Variants in PPP1R8 observed in about 807,000 individuals in gnomAD.
PPP1R8 encodes protein phosphatase 1 regulatory subunit 8, also known as nuclear inhibitor of protein phosphatase 1.
A neutral mutation model predicts 31.3 loss-of-function variants in PPP1R8; 4 were observed. The observed-to-expected ratio is 0.13, with a 90% CI of 0.06 to 0.29. The LOEUF is 0.29. PPP1R8 is among the 10% of genes least tolerant of loss of function. The pLI is 1.00. For missense variants in PPP1R8, 254 were observed against 440.1 expected (o/e 0.58, Z 3.78); for synonymous variants, 170 against 169.7 (o/e 1.00, Z -0.01).
chr1:27,830,923 C>T (rs2089095127), intron 1 of PPP1R8, 32 bp downstream of exon 1: 1 of 1,540,588 alleles, frequency 6.5e-7, no homozygotes, highest in South Asian at 1.2e-5. Flanking sequence ...GCTAGAGTGG[C>T]CCGGCCGGAG....
chr1:27,850,461 G>T lies in PPP1R8; in HGVS notation c.*15G>T. 3 of 536,344 alleles carry T rather than the reference G, an allele frequency of 5.6e-6. No individual in the cohort carries two copies. The highest frequency in any genetic ancestry group is 3.1e-5 in the South Asian group (2 of 65,396). The allele number at this position is 536,344 out of a possible 1,614,324, so 33.2% of individuals were successfully genotyped here. On this transcript the variant is annotated 3_prime_UTR_variant, in exon 7 of 7. Coordinates refer to ENST00000311772, the MANE Select transcript of PPP1R8 (RefSeq NM_014110.5). ...TGCTGATTTGATATTTTTGGTCATG[G>T]AGAAGGGTGGGATTGGGTGGGAATG...
At chr1:27,834,426 C>T (rs2089141909) in intron 2 of PPP1R8, 1 of 518,956 alleles carries the variant, frequency 1.9e-6, no homozygotes, top group South Asian at 1.4e-5. Flanking sequence ...ACCGAGCTGT[C>T]TATATCCTAG....
At chr1:27,844,384 A>G (rs1189412089) in intron 5 of PPP1R8, among the ~76,000 whole-genome samples, 1 of 148,424 alleles carries the variant, frequency 6.7e-6, no homozygotes, top group African/African-American at 2.5e-5. Flanking sequence ...GCTGGAGTGC[A>G]GTGACGCAAT....
intron 1 of PPP1R8, 99 bp downstream of exon 1, chr1:27,830,990 C>T: frequency 6.9e-7 from 1 of 1,444,056 alleles, no homozygotes; most frequent in Non-Finnish European, 9.1e-7. Context: ...AGCCGAACGG[C>T]TCAGAAACCC....
rs373033202 is a variant in PPP1R8, at chr1:27,843,367, TG to T, written c.637+38del. ...TGCTAGTTTATTCTGATGAAAAAGC[TG>T]TGGTTGGCCCGGGCGCGGTGGCTCA... On this transcript the variant is annotated intron_variant, in intron 5 of 6. Coordinates refer to ENST00000311772, the MANE Select transcript of PPP1R8 (RefSeq NM_014110.5). 5.4e-5 allele frequency: 87 copies of T among 1,613,638 alleles called. 1 individual carries two copies. The Middle Eastern group carries it at 1.5e-3, about 28-fold the overall frequency.
chr1:27,845,008 C>T lies in PPP1R8; in HGVS notation c.637+1678C>T, dbSNP rs148072742. On this transcript the variant is annotated intron_variant, in intron 5 of 6. Coordinates refer to ENST00000311772, the MANE Select transcript of PPP1R8 (RefSeq NM_014110.5). Reference sequence around the variant, plus strand: ...TCGGCCTCCTAAAGTGCTGGGATTACAGGCGTGAGCCACCATGCCCGGCCT... The same window carrying T: ...TCGGCCTCCTAAAGTGCTGGGATTATAGGCGTGAGCCACCATGCCCGGCCT... Among the ~76,000 whole-genome samples the T allele has an allele frequency of 4.6e-3, 643 of 140,402 alleles. 11 individuals are homozygous for T. The East Asian group carries it at 0.081, about 18-fold the overall frequency. 92.1% of individuals were successfully genotyped at this position (140,402 alleles called of 152,430 possible). A position where few individuals can be genotyped will look rare whatever the true frequency, so the allele number is the denominator to read the frequency against.
chr1:27,849,715 C>A (rs1224585150), intron 6 of PPP1R8, among the ~76,000 whole-genome samples: 3 of 152,106 alleles, frequency 2.0e-5, no homozygotes, highest in Non-Finnish European at 2.9e-5. Flanking sequence ...TCTCAAACTC[C>A]TGATCTCATG....
chr1:27,845,783 C>G (rs370850389), intron 5 of PPP1R8, among the ~76,000 whole-genome samples: 1 of 91,834 alleles, frequency 1.1e-5, no homozygotes, highest in South Asian at 3.9e-4. Flanking sequence ...TTCTTTCTTT[C>G]TTTTTTTTTT....
At chr1:27,835,028 T>A (rs995037865) in intron 2 of PPP1R8, among the ~76,000 whole-genome samples, 2 of 152,032 alleles carry the variant, frequency 1.3e-5, no homozygotes, top group African/African-American at 2.4e-5. Flanking sequence ...AAAAAAAAAA[T>A]TCATTCATTT....
At chr1:27,848,181 T>A (rs1054763338) in intron 6 of PPP1R8, among the ~76,000 whole-genome samples, 2 of 152,018 alleles carry the variant, frequency 1.3e-5, no homozygotes, top group African/African-American at 4.8e-5. Flanking sequence ...GGTGGGCAGA[T>A]TACAAGGTCA....
At chr1:27,844,565 G>A (rs968564848) in intron 5 of PPP1R8, among the ~76,000 whole-genome samples, 6 of 151,650 alleles carry the variant, frequency 4.0e-5, no homozygotes, top group Non-Finnish European at 8.8e-5. Context: ...CCTGACCTCA[G>A]GTGATCTGCC....
At position 27,850,428 on chromosome 1, in the gene PPP1R8, A is replaced by G; in HGVS notation, c.1038A>G (p.Thr346=). 7.5e-7 allele frequency: 1 copy of G among 1,327,018 alleles called. No individual in the cohort carries two copies. Among genetic ancestry groups the G allele is most frequent in the East Asian group, 4.9e-5 (1 of 20,508 alleles). The allele number at this position is 1,327,018 out of a possible 1,614,324, so 82.2% of individuals were successfully genotyped here. ...AGGCTTGGCCAGGCAAGAAGCCCAC[A>G]CCTTCCTTGCTGATTTGATATTTTT... ...AKEAWPGKKP[T]PSLLI Residue 346 remains threonine, a synonymous_variant, in exon 7 of 7, where the codon ACA becomes ACG. Coordinates refer to ENST00000311772, the MANE Select transcript of PPP1R8 (RefSeq NM_014110.5).
chr1:27,834,467 A>G (rs2089142392), intron 2 of PPP1R8: 3 of 519,028 alleles, frequency 5.8e-6, no homozygotes, highest in Non-Finnish European at 1.2e-5. Flanking sequence ...ATGTGTTGTG[A>G]TAGCTGGGTT....
In PPP1R8 at chr1:27,846,236, T is replaced by A. The variant is rs539843027; in HGVS notation, c.638-792T>A. Among the ~76,000 whole-genome samples, 4 of 152,384 alleles carry A rather than the reference T, an allele frequency of 2.6e-5. No homozygotes were observed. In the South Asian group the frequency reaches 6.2e-4, roughly 24 times the overall value. ...GTAGTGGTACATAAGTTGGTGCCTC[T>A]GCATGTTTCCACTCACATTCAACCT... On this transcript the variant is annotated intron_variant, in intron 5 of 6. Transcript: ENST00000311772.
At chr1:27,839,886 C>T (rs76415377) in intron 3 of PPP1R8, among the ~76,000 whole-genome samples, 4,098 of 151,932 alleles carry the variant, frequency 0.027, 123 homozygotes, top group African/African-American at 0.078. Context: ...TAATGAGACC[C>T]GCGTCTCTAC....
intron 6 of PPP1R8, among the ~76,000 whole-genome samples, chr1:27,849,750 A>G (rs925817248): frequency 2.6e-5 from 4 of 152,202 alleles, no homozygotes; most frequent in Non-Finnish European, 5.9e-5. Context: ...GGGCATTTTA[A>G]TATGAAATAA....
chr1:27,851,089 A>G lies in PPP1R8; in HGVS notation c.*643A>G, dbSNP rs1237389228. 1 of 158,262 alleles carries G rather than the reference A, an allele frequency of 6.3e-6. No individual in the cohort carries two copies. Among genetic ancestry groups the G allele is most frequent in the Non-Finnish European group, 1.4e-5 (1 of 71,366 alleles). 9.8% of individuals were successfully genotyped at this position (158,262 alleles called of 1,614,324 possible). On this transcript the variant is annotated 3_prime_UTR_variant, in exon 7 of 7. Coordinates refer to ENST00000311772, the MANE Select transcript of PPP1R8 (RefSeq NM_014110.5). ...ACACAGGTTTATAGTTTTAACTTAC[A>G]GTATTGTTTGAAATTTACCTGTTTT... is the stretch of plus-strand genomic sequence containing the variant.
rs753941392 is a variant in PPP1R8 at position 27,830,901 on chromosome 1, G to A, written c.56+10G>A. On this transcript the variant is annotated intron_variant, in intron 1 of 6. Transcript: ENST00000311772. ...TCGACTGCCCAACCTGGTGAGTGGC[G>A]GGGCGGCCAGGGCTAGAGTGGCCCG... 1.9e-6 allele frequency: 3 copies of A among 1,561,722 alleles called. No homozygotes were observed. The highest frequency in any genetic ancestry group is 1.2e-5 in the South Asian group (1 of 84,750).
At chr1:27,831,935 G>C (rs1175673239) in intron 1 of PPP1R8, among the ~76,000 whole-genome samples, 1 of 152,208 alleles carries the variant, frequency 6.6e-6, no homozygotes, top group Non-Finnish European at 1.5e-5. Flanking sequence ...AAGCAAATGT[G>C]TGGCTATTTT....
Sources: allele counts gnomAD v4.1 joint callset (sites outside exome capture counted in the v4.1 genomes callset), GRCh38; gene constraint gnomAD v4.1.1; transcripts MANE v1.5; gene names NCBI Gene and HGNC (gene_info 2026-07-23, HGNC 2026-07-21).